BFSP2: variants seen among roughly 807,000 people sequenced by gnomAD.
The protein encoded by BFSP2 is phakinin.
A neutral mutation model predicts 44.9 loss-of-function variants in BFSP2; 38 were observed. The observed-to-expected ratio is 0.85, with a 90% CI of 0.65 to 1.11. The LOEUF is 1.11. Ranked by LOEUF, BFSP2 falls within the 50% of genes least tolerant of loss-of-function variation. The pLI is 0.00. For missense variants in BFSP2, 525 were observed against 533.0 expected (o/e 0.99, Z 0.15); for synonymous variants, 197 against 209.9 (o/e 0.94, Z 0.53).
At chr3:133,440,237 GAT>G (rs1454958583) in intron 1 of BFSP2, among the ~76,000 whole-genome samples, 3 of 90,860 alleles carry the variant, frequency 3.3e-5, no homozygotes, top group Admixed American at 2.1e-4. Context: ...ATGATTCAAT[GAT>G]TCAATTATCT....
intron 4 of BFSP2, among the ~76,000 whole-genome samples, chr3:133,456,054 C>A (rs1280288123): frequency 1.3e-5 from 2 of 152,200 alleles, no homozygotes; most frequent in East Asian, 3.8e-4. Context: ...AAGGCTTAAT[C>A]AATCACCAGC....
At chr3:133,439,732 TA>T (rs1234627402) in intron 1 of BFSP2, among the ~76,000 whole-genome samples, 3 of 152,014 alleles carry the variant, frequency 2.0e-5, no homozygotes, top group Admixed American at 2.0e-4. Flanking sequence ...GAGGGAAAAA[TA>T]AAACTAGACT....
chr3:133,434,347 T>C (rs111963098), intron 1 of BFSP2, among the ~76,000 whole-genome samples: 46,308 of 151,846 alleles, frequency 0.3, 7,778 homozygotes, highest in African/African-American at 0.45. Context: ...TATCACCCCT[T>C]ACCACAAAAA....
chr3:133,415,341 T>C (rs577893329), intron 1 of BFSP2, among the ~76,000 whole-genome samples: 11 of 17,730 alleles, frequency 6.2e-4, no homozygotes, highest in East Asian at 6.3e-3. Flanking sequence ...CTCACCCGTG[T>C]CCTCTCCCCT....
chr3:133,402,535 C>T (rs1377670994), intron 1 of BFSP2, among the ~76,000 whole-genome samples: 1 of 152,018 alleles, frequency 6.6e-6, no homozygotes, highest in Non-Finnish European at 1.5e-5. Flanking sequence ...TCTTAAGTGA[C>T]TATAAATGAG....
chr3:133,424,215 T>TGTGTGTGTGTGTGTGTGTGTGTGTGTGTG (rs879693047), intron 1 of BFSP2, among the ~76,000 whole-genome samples: 2 of 80,112 alleles, frequency 2.5e-5, no homozygotes, highest in Non-Finnish European at 4.5e-5. Flanking sequence ...CCAGCTAATT[T>TGTGTGTGTGTGTGTGTGTGTGTGTGTGTG]TTTTTTTTTT....
intron 5 of BFSP2, among the ~76,000 whole-genome samples, chr3:133,470,874 T>C (rs1220828125): frequency 6.6e-6 from 1 of 152,100 alleles, no homozygotes; most frequent in Non-Finnish European, 1.5e-5. Flanking sequence ...CTAACCCAGC[T>C]TGGTGATGGT....
At chr3:133,431,790 C>T in intron 1 of BFSP2, among the ~76,000 whole-genome samples, 1 of 152,164 alleles carries the variant, frequency 6.6e-6, no homozygotes, top group Non-Finnish European at 1.5e-5. Context: ...GCTTCTAAAC[C>T]TCTTAAAACT....
chr3:133,404,427 G>A (rs1458102526), intron 1 of BFSP2, among the ~76,000 whole-genome samples: 1 of 152,102 alleles, frequency 6.6e-6, no homozygotes, highest in Non-Finnish European at 1.5e-5. Context: ...CCCCAACCCA[G>A]GTACCTACAG....
chr3:133,424,832 G>A (rs573189891), intron 1 of BFSP2, among the ~76,000 whole-genome samples: 15 of 152,156 alleles, frequency 9.9e-5, no homozygotes, highest in African/African-American at 2.4e-4. Flanking sequence ...ACAGTGTTTC[G>A]CCATGTTGGC....
chr3:133,472,686 G>C (rs1233747329), intron 6 of BFSP2, 121 bp downstream of exon 6: 1 of 1,212,870 alleles, frequency 8.2e-7, no homozygotes, highest in Non-Finnish European at 1.2e-6. Flanking sequence ...CTCTCACATA[G>C]GCACCCATTC....
chr3:133,402,550 T>G (rs2073370510), intron 1 of BFSP2, among the ~76,000 whole-genome samples: 1 of 152,174 alleles, frequency 6.6e-6, no homozygotes, highest in Non-Finnish European at 1.5e-5. Context: ...AATGAGGGCC[T>G]GGGTATGAAT....
intron 4 of BFSP2, among the ~76,000 whole-genome samples, chr3:133,465,190 A>G (rs2074098899): frequency 6.6e-6 from 1 of 151,846 alleles, no homozygotes. Flanking sequence ...TATTTTTAGT[A>G]GAGACGGGTT....
At position 133,424,240 on chromosome 3, in the gene BFSP2, T is replaced by TGTGG. The variant is rs1559963476; in HGVS notation, c.490-23077_490-23076insGTGG. Among the ~76,000 whole-genome samples, 284 of 146,306 alleles carry TGTGG rather than the reference T, an allele frequency of 1.9e-3. 9 individuals are homozygous for TGTGG. Among genetic ancestry groups the TGTGG allele is most frequent in the African/African-American group, 6.8e-3 (273 of 39,952 alleles). On this transcript the variant is annotated intron_variant, in intron 1 of 6. Coordinates refer to ENST00000302334, the MANE Select transcript of BFSP2 (RefSeq NM_003571.4). The stretch of plus-strand genomic sequence containing the variant: ...TTTTTTTTTTTTTTTTTTTTTTTTT[T>TGTGG]TGTATTTTTAGTAGAGATGGAGTTT...
rs56156448 is a variant in BFSP2 at position 133,409,227 on chromosome 3, G to GGTGTGTGTGTGTGTGT, written c.489+8670_489+8685dup. Reference sequence around the variant, plus strand: ...GCACTGGCACTGTTATTCTGACACTGGTGTGTGTGTGTGTGTGTGTGTGTG... The same window carrying GGTGTGTGTGTGTGTGT: ...GCACTGGCACTGTTATTCTGACACTGGTGTGTGTGTGTGTGTGTGTGTGTGTGTGTGTGTGTGTGTG... On this transcript the variant is annotated intron_variant, in intron 1 of 6. Coordinates refer to ENST00000302334, the MANE Select transcript of BFSP2 (RefSeq NM_003571.4). 6.7e-4 allele frequency among the ~76,000 whole-genome samples: 100 copies of GGTGTGTGTGTGTGTGT among 148,600 alleles called. 1 individual carries two copies. The highest frequency in any genetic ancestry group is 2.4e-3 in the African/African-American group (97 of 40,308).
chr3:133,414,938 T>C (rs1576561319), intron 1 of BFSP2, among the ~76,000 whole-genome samples: 4 of 76,218 alleles, frequency 5.2e-5, no homozygotes, highest in Admixed American at 1.4e-4. Flanking sequence ...TGCTCACCCC[T>C]CTACTCACCC....
intron 1 of BFSP2, among the ~76,000 whole-genome samples, chr3:133,442,353 C>T (rs58691611): frequency 0.043 from 6,490 of 152,138 alleles, 482 homozygotes; most frequent in African/African-American, 0.15. Context: ...TAGGGTTTTG[C>T]TATGTTGCCC....
rs143267727 is a variant in BFSP2 at position 133,413,985 on chromosome 3, T to C, written c.489+13413T>C. 1.7e-3 allele frequency among the ~76,000 whole-genome samples: 259 copies of C among 151,542 alleles called. 3 individuals carry two copies. In the South Asian group the frequency reaches 0.029, roughly 17 times the overall value. ...TAACTGCCCACGCCTGCCTGGCCCC[T>C]GTACTCACGCCCTACTCATCCCTGT... On this transcript the variant is annotated intron_variant, in intron 1 of 6. Coordinates refer to ENST00000302334, the MANE Select transcript of BFSP2 (RefSeq NM_003571.4).
chr3:133,470,616 T>C (rs2107943922), intron 5 of BFSP2, among the ~76,000 whole-genome samples: 1 of 152,272 alleles, frequency 6.6e-6, no homozygotes, highest in South Asian at 2.1e-4. Context: ...GTTTCCAGTC[T>C]AATGGGGAGA....
Sources: allele counts gnomAD v4.1 joint callset (sites outside exome capture counted in the v4.1 genomes callset), GRCh38; gene constraint gnomAD v4.1.1; transcripts MANE v1.5; gene names NCBI Gene and HGNC (gene_info 2026-07-23, HGNC 2026-07-21).